Variants in SNTG1 observed in about 807,000 individuals in gnomAD.
SNTG1 encodes the protein syntrophin gamma 1, also known as gamma-1-syntrophin.
A neutral mutation model predicts 74.7 loss-of-function variants in SNTG1; 39 were observed. The ratio of observed to expected loss-of-function variants is 0.52; its 90% CI spans 0.40 to 0.68. SNTG1 has a LOEUF of 0.68. Among genes scored for constraint, SNTG1 ranks in the 30% least tolerant of loss-of-function variants. The pLI is 0.00. For synonymous variants in SNTG1, 254 were observed against 217.1 expected, an observed-to-expected ratio of 1.17 and a Z score of -1.49; for missense variants, 685 against 609.5, an observed-to-expected ratio of 1.12 and a Z score of -1.30.
intron 17 of SNTG1, among the ~76,000 whole-genome samples, chr8:50,747,201 G>A (rs536897524): frequency 2.6e-5 from 4 of 151,902 alleles, no homozygotes; most frequent in African/African-American, 9.6e-5. Flanking sequence ...TGCACTGTAG[G>A]CCTATATAAA....
chr8:50,185,989 C>G (rs1027922643), intron 2 of SNTG1, among the ~76,000 whole-genome samples: 1 of 152,102 alleles, frequency 6.6e-6, no homozygotes, highest in African/African-American at 2.4e-5. Context: ...CCCTAATGCT[C>G]TCCATACCCT....
intron 13 of SNTG1, among the ~76,000 whole-genome samples, chr8:50,630,573 A>T (rs920735822): frequency 6.6e-6 from 1 of 152,194 alleles, no homozygotes; most frequent in African/African-American, 2.4e-5. Context: ...ATAGCACAGA[A>T]TTTATTTTAT....
chr8:50,262,598 A>T (rs1175857011), intron 2 of SNTG1, among the ~76,000 whole-genome samples: 1 of 152,030 alleles, frequency 6.6e-6, no homozygotes. Context: ...TTTAGTAGAG[A>T]CGGGGTTTCA....
At chr8:50,728,313 G>A (rs556962676) in intron 17 of SNTG1, among the ~76,000 whole-genome samples, 33 of 152,252 alleles carry the variant, frequency 2.2e-4, no homozygotes, top group African/African-American at 7.7e-4. Flanking sequence ...AGCGCCGAGG[G>A]CACCACTAGG....
chr8:50,454,294 A>G (rs556706398), intron 8 of SNTG1, among the ~76,000 whole-genome samples: 23 of 150,970 alleles, frequency 1.5e-4, no homozygotes, highest in Middle Eastern at 3.5e-3. Context: ...CAGGAGTTCA[A>G]GACCAGCCTG....
At chr8:50,529,024 T>C (rs1045915554) in intron 9 of SNTG1, among the ~76,000 whole-genome samples, 22 of 151,912 alleles carry the variant, frequency 1.4e-4, no homozygotes, top group Admixed American at 1.4e-3. Flanking sequence ...TTTTGGTGTA[T>C]GTATTTAAAC....
At chr8:49,938,068 C>T (rs751348164) in intron 1 of SNTG1, among the ~76,000 whole-genome samples, 2 of 152,088 alleles carry the variant, frequency 1.3e-5, no homozygotes, top group African/African-American at 4.8e-5. Context: ...TTATTGGTTC[C>T]CTGACTCCTT....
intron 15 of SNTG1, among the ~76,000 whole-genome samples, chr8:50,679,314 G>A (rs931614459): frequency 2.6e-5 from 4 of 152,060 alleles, no homozygotes; most frequent in Admixed American, 2.6e-4. Context: ...GTAGTGATGT[G>A]TTAATAGAAT....
intron 1 of SNTG1, among the ~76,000 whole-genome samples, chr8:50,144,454 G>T (rs778354416): frequency 6.6e-6 from 1 of 152,196 alleles, no homozygotes; most frequent in African/African-American, 2.4e-5. Context: ...TTACAATGAG[G>T]AGGAGCCAGC....
intron 13 of SNTG1, among the ~76,000 whole-genome samples, chr8:50,595,663 C>A (rs2094722313): frequency 6.6e-6 from 1 of 151,928 alleles, no homozygotes; most frequent in Non-Finnish European, 1.5e-5. Flanking sequence ...GAGCGGGGAA[C>A]AAATGTAGCA....
At chr8:50,273,739 A>T (rs1004539154) in intron 2 of SNTG1, among the ~76,000 whole-genome samples, 1 of 152,198 alleles carries the variant, frequency 6.6e-6, no homozygotes, top group African/African-American at 2.4e-5. Context: ...AAATTCTGGG[A>T]ATAATCATGC....
At position 49,981,971 on chromosome 8, in the gene SNTG1, G is replaced by A. The variant is rs148293338; in HGVS notation, c.-103+69740G>A. Among the ~76,000 whole-genome samples the A allele has an allele frequency of 8.3e-4, 126 of 151,284 alleles. 1 individual carries two copies. Among genetic ancestry groups the A allele is most frequent in the African/African-American group, 2.8e-3 (116 of 41,262 alleles). On this transcript the variant is annotated intron_variant, in intron 1 of 18. Coordinates refer to ENST00000642720, the MANE Select transcript of SNTG1 (RefSeq NM_018967.5). ...GTGTGAATATTATTAATTTTTTACC[G>A]CAGGTCCTTCTTAAAAAAATAACTA...
In SNTG1 at chr8:50,530,207, C is replaced by T; in HGVS notation, c.497C>T (p.Ser166Phe). ...CCAAGTGACCAGAGCAGTGGCACCT[C>T]CTCTCCTCTCTGTGACAGTGGCTTA... ...CAPSDQSSGT[S>F]SPLCDSGLHL... is the part of the protein sequence containing the mutation. Residue 166 changes from serine to phenylalanine, a missense_variant, in exon 10 of 19, where the codon TCC (serine) becomes TTC (phenylalanine). Physicochemically the swap from Ser to Phe is radical, Grantham distance 155. Coordinates refer to ENST00000642720, the MANE Select transcript of SNTG1 (RefSeq NM_018967.5). 6.2e-7 allele frequency: 1 copy of T among 1,613,760 alleles called. No individual in the cohort carries two copies. The highest frequency in any genetic ancestry group is 1.1e-5 in the South Asian group (1 of 91,068).
At chr8:50,695,700 A>G (rs1169838442) in intron 15 of SNTG1, among the ~76,000 whole-genome samples, 4 of 151,768 alleles carry the variant, frequency 2.6e-5, no homozygotes, top group African/African-American at 9.7e-5. Context: ...TTTACTTCCC[A>G]TTATAAGTAA....
rs397977320 is a variant in SNTG1 at position 50,751,989 on chromosome 8, T to TA, written c.1285-12_1285-11insA. 3 of 1,483,260 alleles carry TA rather than the reference T, an allele frequency of 2.0e-6. No individual in the cohort carries two copies. Among genetic ancestry groups the TA allele is most frequent in the African/African-American group, 1.5e-5 (1 of 67,306 alleles). 91.9% of individuals were successfully genotyped at this position (1,483,260 alleles called of 1,614,324 possible). On this transcript the variant is annotated splice_polypyrimidine_tract_variant and intron_variant, in intron 17 of 18. Transcript: ENST00000642720. Reference sequence around the variant, plus strand: ...TTCCACCGACTTACATTGTTTTTTTTCCCCCCTTTAGGCTGTCCTTTGGAG... The same window carrying TA: ...TTCCACCGACTTACATTGTTTTTTTTACCCCCCTTTAGGCTGTCCTTTGGAG...
intron 1 of SNTG1, among the ~76,000 whole-genome samples, chr8:49,975,930 A>G (rs1812154237): frequency 6.6e-6 from 1 of 152,188 alleles, no homozygotes; most frequent in South Asian, 2.1e-4. Flanking sequence ...GTGGTGAATT[A>G]CATGAAATTG....
At chr8:50,498,046 G>A (rs1333614120) in intron 8 of SNTG1, among the ~76,000 whole-genome samples, 1 of 151,462 alleles carries the variant, frequency 6.6e-6, no homozygotes, top group East Asian at 1.9e-4. Context: ...TAAATTTTCT[G>A]ATTAAAAATA....
chr8:50,332,071 C>T (rs1046244738), intron 2 of SNTG1, among the ~76,000 whole-genome samples: 2 of 152,178 alleles, frequency 1.3e-5, no homozygotes, highest in African/African-American at 4.8e-5. Flanking sequence ...TAATTTAATT[C>T]TAAGCTTCTC....
At chr8:50,089,830 A>C (rs1212466275) in intron 1 of SNTG1, among the ~76,000 whole-genome samples, 1 of 152,168 alleles carries the variant, frequency 6.6e-6, no homozygotes, top group African/African-American at 2.4e-5. Flanking sequence ...TAGTTCAACC[A>C]TTGTGGAAGT....
Sources: gnomAD v4.1 joint callset for allele counts (sites outside exome capture counted in the v4.1 genomes callset) on GRCh38, gnomAD v4.1.1 for gene constraint, MANE v1.5 for transcripts, NCBI Gene and HGNC (gene_info 2026-07-23, HGNC 2026-07-21) for gene names.